The following ACACA variants were observed in gnomAD, a reference collection of about 807,000 sequenced individuals.
The protein encoded by ACACA is acetyl-CoA carboxylase 1.
ACACA carries 103 observed loss-of-function variants against 296.1 expected under a neutral mutation model. That is an observed-to-expected ratio of 0.35 (90% CI 0.30 to 0.41). ACACA has a LOEUF of 0.41. Ranked by LOEUF, ACACA falls within the 10% of genes least tolerant of loss-of-function variation. The pLI is 1.00. For synonymous variants in ACACA, 953 were observed against 1,038.6 expected (o/e 0.92, Z 1.58); for missense variants, 1,554 against 2,989.7 (o/e 0.52, Z 11.20).
chr17:37,264,521 G>C (rs758598709), intron 10 of ACACA, among the ~76,000 whole-genome samples: 4 of 152,144 alleles, frequency 2.6e-5, no homozygotes, highest in African/African-American at 7.2e-5. Context: ...TCTTTTATAG[G>C]GGGGAGGGTG....
chr17:37,237,923 G>C (rs1171183500), intron 24 of ACACA, among the ~76,000 whole-genome samples: 1 of 152,076 alleles, frequency 6.6e-6, no homozygotes, highest in Non-Finnish European at 1.5e-5. Flanking sequence ...CACTACACCT[G>C]GCTAATTTTT....
intron 3 of ACACA, among the ~76,000 whole-genome samples, chr17:37,319,677 G>A (rs2047254772): frequency 6.6e-6 from 1 of 151,930 alleles, no homozygotes; most frequent in Admixed American, 6.6e-5. Context: ...TTTAGGCCAG[G>A]CGCTGTGGCT....
At chr17:37,272,381 A>T (rs761639299) in intron 9 of ACACA, among the ~76,000 whole-genome samples, 6 of 152,164 alleles carry the variant, frequency 3.9e-5, no homozygotes, top group Non-Finnish European at 7.4e-5. Context: ...CAGAAAAAGA[A>T]CATTTCAATT....
intron 3 of ACACA, among the ~76,000 whole-genome samples, chr17:37,295,665 C>T (rs530760764): frequency 5.1e-4 from 77 of 152,204 alleles, no homozygotes; most frequent in African/African-American, 1.8e-3. Flanking sequence ...TGGCTCACAC[C>T]TGTAATCCCA....
chr17:37,346,351 A>G (rs2048618413), intron 1 of ACACA, among the ~76,000 whole-genome samples: 1 of 148,296 alleles, frequency 6.7e-6, no homozygotes. Flanking sequence ...GCTATGTAAG[A>G]TATTAACAAT....
At chr17:37,401,687 T>C (rs542586045) in intron 1 of ACACA, among the ~76,000 whole-genome samples, 1 of 152,086 alleles carries the variant, frequency 6.6e-6, no homozygotes, top group South Asian at 2.1e-4. Flanking sequence ...GCCTCCCAAG[T>C]AGCTGGGACC....
intron 43 of ACACA, among the ~76,000 whole-genome samples, chr17:37,152,346 A>G (rs1483588012): frequency 6.6e-6 from 1 of 152,238 alleles, no homozygotes; most frequent in Non-Finnish European, 1.5e-5. Flanking sequence ...AAGGCATCAT[A>G]TCAACAATTT....
chr17:37,281,612 A>G (rs189109631), intron 5 of ACACA, among the ~76,000 whole-genome samples: 1 of 152,338 alleles, frequency 6.6e-6, no homozygotes, highest in African/African-American at 2.4e-5. Flanking sequence ...TTACACCTGT[A>G]ATCCTAGTAC....
chr17:37,123,693 C>T (rs564008817), intron 48 of ACACA, among the ~76,000 whole-genome samples: 1 of 152,240 alleles, frequency 6.6e-6, no homozygotes, highest in South Asian at 2.1e-4. Context: ...TTGTCACTTG[C>T]CTGCACTGAA....
chr17:37,250,795 G>A (rs1043998349), intron 16 of ACACA, among the ~76,000 whole-genome samples: 39 of 152,336 alleles, frequency 2.6e-4, no homozygotes, highest in African/African-American at 9.4e-4. Flanking sequence ...GGAGGCCAAG[G>A]CGGGTGGATC....
intron 38 of ACACA, 50 bp downstream of exon 38, chr17:37,191,067 ACTT>A: frequency 6.3e-7 from 1 of 1,597,362 alleles, no homozygotes. Context: ...ATATGAATGA[ACTT>A]CTGTGCTTAT....
intron 1 of ACACA, among the ~76,000 whole-genome samples, chr17:37,379,951 T>C (rs537420560): frequency 0.019 from 2,840 of 149,292 alleles, 85 homozygotes; most frequent in African/African-American, 0.066. Context: ...CTATAAATCA[T>C]GCTGCTATAA....
Position 37,155,762 on chromosome 17 carries a change from G to T in ACACA, c.5368C>A (p.Leu1790Met), listed in dbSNP as rs2076216247. The change falls in exon 43 of 56, where the codon CTG (leucine) becomes ATG (methionine). Residue 1790 changes from leucine to methionine, a missense_variant. Around this residue, in one of 16 missense-constraint regions of ACACA, gnomAD observed 553 missense variants for 1,043.6 expected, o/e 0.53. Transcript: ENST00000616317. ...ACTCTCTTATAATCTTGAGGAGTCA[G>T]ATATAAATACCTGTATCCCTGTGAA... is the stretch of plus-strand genomic sequence containing the variant. ...DPYKGYRYLY[L>M]TPQDYKRVSA... 6.2e-7 allele frequency: 1 copy of T among 1,607,548 alleles called. No individual in the cohort carries two copies. Among genetic ancestry groups the T allele is most frequent in the Non-Finnish European group, 8.5e-7 (1 of 1,175,846 alleles).
At chr17:37,362,858 C>G (rs1458947201) in intron 1 of ACACA, among the ~76,000 whole-genome samples, 1 of 151,858 alleles carries the variant, frequency 6.6e-6, no homozygotes, top group Non-Finnish European at 1.5e-5. Context: ...GCCTGTAGTC[C>G]CCGCTACTCC....
At chr17:37,104,461 A>G (rs1308735562) in intron 52 of ACACA, among the ~76,000 whole-genome samples, 1 of 152,232 alleles carries the variant, frequency 6.6e-6, no homozygotes, top group Non-Finnish European at 1.5e-5. Context: ...AAAGTAACTC[A>G]CCCAAGGCCA....
At chr17:37,208,272 T>C (rs2078597157) in intron 30 of ACACA, among the ~76,000 whole-genome samples, 1 of 152,152 alleles carries the variant, frequency 6.6e-6, no homozygotes, top group Non-Finnish European at 1.5e-5. Flanking sequence ...CATAAAGAGA[T>C]AGGTATATAT....
intron 15 of ACACA, 112 bp from the exon 16 acceptor site, chr17:37,252,220 T>G: frequency 1.2e-6 from 1 of 850,274 alleles, no homozygotes; most frequent in Non-Finnish European, 2.0e-6. Flanking sequence ...AATGAAAATC[T>G]CCATTCTCAC....
intron 1 of ACACA, among the ~76,000 whole-genome samples, chr17:37,394,659 G>A (rs1248629115): frequency 1.3e-5 from 2 of 149,758 alleles, no homozygotes; most frequent in African/African-American, 2.5e-5. Context: ...GGCGGATCAC[G>A]AGGTCAGGAG....
intron 3 of ACACA, among the ~76,000 whole-genome samples, chr17:37,312,762 CA>C (rs2084220870): frequency 6.6e-6 from 1 of 152,076 alleles, no homozygotes; most frequent in South Asian, 2.1e-4. Flanking sequence ...CCCGGTGGCT[CA>C]CACCTGTAAT....
Sources: gnomAD v4.1 joint callset for allele counts (sites outside exome capture counted in the v4.1 genomes callset) on GRCh38, gnomAD v4.1.1 for gene constraint, gnomAD v4.1.1 regional missense constraint, MANE v1.5 for transcripts, NCBI Gene and HGNC (gene_info 2026-07-23, HGNC 2026-07-21) for gene names.